CPED1: variants seen among roughly 807,000 people sequenced by gnomAD.
CPED1 encodes the protein cadherin like and PC-esterase domain containing 1.
In CPED1, 114 loss-of-function variants were observed where a neutral mutation model predicts 128.2. The observed-to-expected ratio is 0.89, with a 90% CI of 0.76 to 1.04. The LOEUF (loss-of-function observed/expected upper bound fraction) is 1.04, where lower values mean the gene tolerates loss of function less well. CPED1 is among the 50% of genes least tolerant of loss of function. CPED1 has a pLI of 0.00. For missense variants in CPED1, 1,211 were observed against 1,207.1 expected, an observed-to-expected ratio of 1.00 and a Z score of -0.05; for synonymous variants, 462 against 426.7, an observed-to-expected ratio of 1.08 and a Z score of -1.02.
chr7:121,295,175 A>ACACACACACACACACACACACAC (rs1562865931), intron 22 of CPED1, among the ~76,000 whole-genome samples: 1 of 151,590 alleles, frequency 6.6e-6, no homozygotes, highest in African/African-American at 2.4e-5. Context: ...ACACACACAC[A>ACACACACACACACACACACACAC]AAGACTAGAA....
At chr7:121,121,176 G>A (rs900358766) in intron 7 of CPED1, among the ~76,000 whole-genome samples, 2 of 152,082 alleles carry the variant, frequency 1.3e-5, no homozygotes, top group African/African-American at 4.8e-5. Context: ...GTGGAATGAA[G>A]TAGATAACAA....
chr7:121,167,247 G>GAAA (rs1439452042), intron 16 of CPED1, among the ~76,000 whole-genome samples: 4 of 152,232 alleles, frequency 2.6e-5, no homozygotes, highest in Non-Finnish European at 5.9e-5. Context: ...CTTGTTAATA[G>GAAA]GAAAAAAAGA....
At chr7:121,158,859 C>A (rs1279754593) in intron 16 of CPED1, among the ~76,000 whole-genome samples, 1 of 152,102 alleles carries the variant, frequency 6.6e-6, no homozygotes, top group Non-Finnish European at 1.5e-5. Flanking sequence ...CAGACAACAG[C>A]CAATCCATAT....
At chr7:121,080,116 G>A (rs140673184) in intron 5 of CPED1, among the ~76,000 whole-genome samples, 1 of 152,096 alleles carries the variant, frequency 6.6e-6, no homozygotes, top group African/African-American at 2.4e-5. Context: ...ATTGATATTG[G>A]ATTTCTTTGC....
rs373395231 is a variant in CPED1, at chr7:121,237,487, C to T, written c.2173+656C>T. On this transcript the variant is annotated intron_variant, in intron 17 of 22. Transcript: ENST00000310396. ...ATTTAATTACTGTGTTAAATCCTGCCTAAGCACTGAGCAGAACTAGAATGA... is the reference window on the plus strand; with the variant it reads ...ATTTAATTACTGTGTTAAATCCTGCTTAAGCACTGAGCAGAACTAGAATGA... 7.2e-5 allele frequency among the ~76,000 whole-genome samples: 11 copies of T among 152,228 alleles called. No individual in the cohort carries two copies. The East Asian group carries it at 1.4e-3, about 19-fold the overall frequency.
chr7:121,093,862 A>G (rs1465365425), intron 5 of CPED1, among the ~76,000 whole-genome samples: 1 of 151,994 alleles, frequency 6.6e-6, no homozygotes. Context: ...ATTTTCCTGA[A>G]CTATACCCAT....
chr7:121,159,702 A>C (rs1304656943), intron 16 of CPED1, among the ~76,000 whole-genome samples: 1 of 152,150 alleles, frequency 6.6e-6, no homozygotes, highest in East Asian at 1.9e-4. Context: ...TAAAAACTCT[A>C]CAATTAGCTA....
At chr7:121,022,335 A>G (rs1347733809) in intron 3 of CPED1, among the ~76,000 whole-genome samples, 1 of 151,868 alleles carries the variant, frequency 6.6e-6, no homozygotes. Context: ...AGATAATGAA[A>G]CCATAAATAT....
At position 121,128,463 on chromosome 7, in the gene CPED1, G is replaced by A. The variant is rs768552123; in HGVS notation, c.1384G>A (p.Gly462Arg). ...NSIMTFIKEL[G>R]SLGQFQLLFP... ...AATTATGACTTTCATAAAGGAACTT[G>A]GAAGTCTGGGACAATTCCAACTGGT... Residue 462 changes from glycine (G) to arginine (R), a missense_variant, in exon 11 of 23, where the codon GGA (glycine) becomes AGA (arginine). Coordinates refer to ENST00000310396, the MANE Select transcript of CPED1 (RefSeq NM_024913.5). 7 of 1,587,612 alleles carry A rather than the reference G, an allele frequency of 4.4e-6. No homozygotes were observed. Among genetic ancestry groups the A allele is most frequent in the East Asian group, 4.5e-5 (2 of 44,690 alleles).
chr7:121,072,107 A>G (rs934841155), intron 5 of CPED1, among the ~76,000 whole-genome samples: 3 of 151,832 alleles, frequency 2.0e-5, no homozygotes, highest in African/African-American at 7.3e-5. Flanking sequence ...CAGCTGAGGT[A>G]GAAACACCTG....
intron 5 of CPED1, among the ~76,000 whole-genome samples, chr7:121,081,120 A>G (rs997646888): frequency 6.6e-6 from 1 of 152,160 alleles, no homozygotes; most frequent in Admixed American, 6.5e-5. Context: ...TTTCATTTTA[A>G]CCATAATTAA....
At chr7:121,188,649 G>T (rs1211874108) in intron 16 of CPED1, among the ~76,000 whole-genome samples, 2 of 152,094 alleles carry the variant, frequency 1.3e-5, no homozygotes, top group Admixed American at 1.3e-4. Context: ...TGGGGAAAGG[G>T]GAGAATCAGA....
chr7:121,023,379 C>T (rs946609497), intron 3 of CPED1, among the ~76,000 whole-genome samples: 2 of 152,078 alleles, frequency 1.3e-5, no homozygotes, highest in African/African-American at 4.8e-5. Flanking sequence ...TCAGAGTTGT[C>T]CAGCAATAGA....
chr7:121,228,657 A>G (rs1466165738), intron 16 of CPED1, among the ~76,000 whole-genome samples: 1 of 152,032 alleles, frequency 6.6e-6, no homozygotes, highest in Admixed American at 6.6e-5. Flanking sequence ...TCTAACCAGA[A>G]GAAAAAACAT....
intron 4 of CPED1, chr7:121,063,041 GGTGTCCTT>G (rs1228141894): frequency 6.6e-6 from 1 of 152,152 alleles, no homozygotes; most frequent in Non-Finnish European, 1.5e-5. Context: ...TAAACACTTT[GGTGTCCTT>G]GTGGACTTTT....
chr7:121,190,871 G>A (rs201907468), intron 16 of CPED1, among the ~76,000 whole-genome samples: 3 of 152,066 alleles, frequency 2.0e-5, no homozygotes, highest in East Asian at 3.9e-4. Context: ...TGAATGTGAT[G>A]ACAGGATTTT....
In CPED1 at chr7:121,266,431, G is replaced by T. The variant is rs368339924; in HGVS notation, c.2515G>T (p.Glu839Ter). 1.9e-6 allele frequency: 3 copies of T among 1,612,120 alleles called. No individual in the cohort carries two copies. Among genetic ancestry groups the T allele is most frequent in the Non-Finnish European group, 2.5e-6 (3 of 1,178,598 alleles). ...SLRPTFENAL[E>*]HLLQRSRPLE... ...GAGACCAACATTTGAAAATGCACTT[G>T]AACACCTCTTGCAAAGGTACAATGA... Residue 839 changes from glutamate to a stop codon, truncating the protein, a stop_gained, in exon 19 of 23, where the codon GAA becomes TAA. Coordinates refer to ENST00000310396, the MANE Select transcript of CPED1 (RefSeq NM_024913.5). LOFTEE classifies it high-confidence loss of function.
intron 16 of CPED1, among the ~76,000 whole-genome samples, chr7:121,199,673 C>CAAAAAAAAAAAAAAAAAAAAAAAAA (rs1160203035): frequency 2.3e-5 from 2 of 86,942 alleles, no homozygotes; most frequent in African/African-American, 9.2e-5. Flanking sequence ...GAGACTCCAT[C>CAAAAAAAAAAAAAAAAAAAAAAAAA]AAAAAAAAAA....
chr7:121,248,381 G>T (rs986953839), intron 18 of CPED1, among the ~76,000 whole-genome samples: 21 of 152,002 alleles, frequency 1.4e-4, no homozygotes, highest in Admixed American at 1.3e-3. Flanking sequence ...GATTAAAGGG[G>T]GCTCCCCAAA....
Sources: allele counts gnomAD v4.1 joint callset (sites outside exome capture counted in the v4.1 genomes callset), GRCh38; gene constraint gnomAD v4.1.1; transcripts MANE v1.5; gene names NCBI Gene and HGNC (gene_info 2026-07-23, HGNC 2026-07-21).